TMEFF2: variants seen among roughly 807,000 people sequenced by gnomAD.
TMEFF2 encodes the protein tomoregulin-2.
A neutral mutation model predicts 53.8 loss-of-function variants in TMEFF2; 28 were observed. That is an observed-to-expected ratio of 0.52 (90% CI 0.39 to 0.71). The LOEUF (loss-of-function observed/expected upper bound fraction) is 0.71, where lower values mean the gene tolerates loss of function less well. Among genes scored for constraint, TMEFF2 ranks in the 30% least tolerant of loss-of-function variants. TMEFF2 has a pLI of 0.00. For synonymous variants in TMEFF2, 162 were observed against 166.3 expected (o/e 0.97, Z 0.20); for missense variants, 353 against 455.2 (o/e 0.78, Z 2.04).
In TMEFF2 at chr2:191,950,228, C is replaced by CTCTTG. The variant is rs1382529081; in HGVS notation, c.*78_*82dup. ...CAAATGCAAGGCAACATGTGTAGAT[C>CTCTTG]TCTTGTCTTATTCTTTTGTCTATAA... On this transcript the variant is annotated 3_prime_UTR_variant, in exon 10 of 10. Coordinates refer to ENST00000272771, the MANE Select transcript of TMEFF2 (RefSeq NM_016192.4). 6.3e-7 allele frequency: 1 copy of CTCTTG among 1,583,674 alleles called. No individual in the cohort carries two copies. The highest frequency in any genetic ancestry group is 8.6e-7 in the Non-Finnish European group (1 of 1,165,182).
At chr2:192,114,980 T>C (rs987385678) in intron 4 of TMEFF2, among the ~76,000 whole-genome samples, 1 of 151,916 alleles carries the variant, frequency 6.6e-6, no homozygotes, top group Non-Finnish European at 1.5e-5. Flanking sequence ...ATAATCTTTG[T>C]CAACTAAATA....
intron 3 of TMEFF2, 40 bp from the exon 4 acceptor site, chr2:192,179,734 C>A (rs371235701): frequency 9.9e-6 from 15 of 1,510,532 alleles, no homozygotes; most frequent in Non-Finnish European, 1.3e-5. Context: ...AAAACATATT[C>A]AAAAATATTT....
At position 192,165,204 on chromosome 2, in the gene TMEFF2, T is replaced by TA. The variant is rs34878272; in HGVS notation, c.439+14463dup. ...ATTTTCTGTTATAAATCCTTGACTT[T>TA]AAAAAATAACAGACTACACATAAAG... On this transcript the variant is annotated intron_variant, in intron 4 of 9. Coordinates refer to ENST00000272771, the MANE Select transcript of TMEFF2 (RefSeq NM_016192.4). 9.0e-3 allele frequency among the ~76,000 whole-genome samples: 1,363 copies of TA among 152,286 alleles called. 14 individuals are homozygous for TA. The highest frequency in any genetic ancestry group is 0.015 in the Non-Finnish European group (1,033 of 68,022).
intron 4 of TMEFF2, among the ~76,000 whole-genome samples, chr2:192,095,108 T>C (rs1295327259): frequency 1.3e-5 from 2 of 152,200 alleles, no homozygotes; most frequent in Non-Finnish European, 2.9e-5. Context: ...ATGACTAGTT[T>C]TTTTTGCCAT....
chr2:192,037,273 T>TAAAAGAAAG (rs568551324), intron 5 of TMEFF2, among the ~76,000 whole-genome samples: 182 of 94,744 alleles, frequency 1.9e-3, no homozygotes, highest in African/African-American at 3.0e-3. Flanking sequence ...CTAGCCAAAA[T>TAAAAGAAAG]AAAGAAAGAA....
At chr2:192,105,481 C>G (rs1176381058) in intron 4 of TMEFF2, among the ~76,000 whole-genome samples, 2 of 151,904 alleles carry the variant, frequency 1.3e-5, no homozygotes, top group Non-Finnish European at 1.5e-5. Flanking sequence ...TCCCTCACAA[C>G]CACCCTTCGA....
At chr2:192,135,122 T>C (rs983548335) in intron 4 of TMEFF2, among the ~76,000 whole-genome samples, 2 of 152,194 alleles carry the variant, frequency 1.3e-5, no homozygotes, top group African/African-American at 4.8e-5. Context: ...TTGTCATCCC[T>C]ACTATTTTCT....
intron 4 of TMEFF2, among the ~76,000 whole-genome samples, chr2:192,131,298 G>A (rs1396412576): frequency 0.015 from 924 of 60,912 alleles, no homozygotes; most frequent in Middle Eastern, 0.028. Context: ...TTCTGGGGAA[G>A]GGACAAGTAC....
intron 5 of TMEFF2, among the ~76,000 whole-genome samples, chr2:192,038,568 G>A (rs903518919): frequency 6.6e-6 from 1 of 151,292 alleles, no homozygotes; most frequent in Admixed American, 6.6e-5. Context: ...TTAGCTCACT[G>A]CAGCCTCTGC....
intron 7 of TMEFF2, among the ~76,000 whole-genome samples, chr2:191,975,236 G>A (rs1685684282): frequency 7.0e-6 from 1 of 142,136 alleles, no homozygotes; most frequent in Non-Finnish European, 1.5e-5. Flanking sequence ...GAAAAATGAA[G>A]GTCATCAGGT....
intron 7 of TMEFF2, among the ~76,000 whole-genome samples, chr2:191,990,416 A>AGTGTGTGTGTGTGTGTGT (rs55848067): frequency 0.16 from 22,833 of 147,132 alleles, 1,904 homozygotes; most frequent in Admixed American, 0.18. Flanking sequence ...TGCTCAGAAT[A>AGTGTGTGTGTGTGTGTGT]GTGTGTGTGT....
chr2:192,158,613 C>T (rs2106008583), intron 4 of TMEFF2, among the ~76,000 whole-genome samples: 1 of 152,186 alleles, frequency 6.6e-6, no homozygotes, highest in South Asian at 2.1e-4. Context: ...ATGTTTTTGT[C>T]TCCACTCTAG....
chr2:192,151,030 C>T (rs1035943428), intron 4 of TMEFF2, among the ~76,000 whole-genome samples: 2 of 151,704 alleles, frequency 1.3e-5, no homozygotes, highest in African/African-American at 4.8e-5. Flanking sequence ...ATCATGGGGG[C>T]ATTTTCCCCC....
chr2:192,182,283 G>A (rs553487487), intron 3 of TMEFF2, among the ~76,000 whole-genome samples: 42 of 151,974 alleles, frequency 2.8e-4, no homozygotes, highest in African/African-American at 7.7e-4. Context: ...ATCCCTTTTA[G>A]ATCAAAAGTC....
rs865970265 is a variant in TMEFF2, at chr2:191,950,055, T to C, written c.*256A>G. The C allele has an allele frequency of 4.2e-6, 5 of 1,192,170 alleles. No individual in the cohort carries two copies. Among genetic ancestry groups the C allele is most frequent in the Non-Finnish European group, 4.2e-6 (4 of 953,378 alleles). The allele number at this position is 1,192,170 out of a possible 1,614,324, so 73.8% of individuals were successfully genotyped here. A position where few individuals can be genotyped will look rare whatever the true frequency, so the allele number is the denominator to read the frequency against. On this transcript the variant is annotated 3_prime_UTR_variant, in exon 10 of 10. Transcript: ENST00000272771. ...CTGAGTATTTATTATATATAACAAATACATGGGAAAGAAAAAACTATATTG... is the reference window on the plus strand; with the variant it reads ...CTGAGTATTTATTATATATAACAAACACATGGGAAAGAAAAAACTATATTG...
chr2:192,082,905 A>C (rs1448311477), intron 4 of TMEFF2, among the ~76,000 whole-genome samples: 2 of 151,892 alleles, frequency 1.3e-5, no homozygotes, highest in Non-Finnish European at 2.9e-5. Context: ...TTACTTTATC[A>C]GTTAAGTTTC....
chr2:192,024,134 A>T (rs895387768), intron 5 of TMEFF2, among the ~76,000 whole-genome samples: 1 of 152,182 alleles, frequency 6.6e-6, no homozygotes, highest in Non-Finnish European at 1.5e-5. Context: ...TGTATTTCCC[A>T]TAGATGAGGG....
intron 4 of TMEFF2, among the ~76,000 whole-genome samples, chr2:192,159,429 C>T (rs1029389854): frequency 2.0e-5 from 3 of 152,136 alleles, no homozygotes; most frequent in African/African-American, 7.2e-5. Context: ...CAACATGACT[C>T]ATCTTTATGA....
At chr2:192,092,591 C>T (rs147087268) in intron 4 of TMEFF2, among the ~76,000 whole-genome samples, 2 of 152,134 alleles carry the variant, frequency 1.3e-5, no homozygotes, top group African/African-American at 4.8e-5. Context: ...CATCCTAATC[C>T]CCAGAATCTA....
Sources: gnomAD v4.1 joint callset for allele counts (sites outside exome capture counted in the v4.1 genomes callset) on GRCh38, gnomAD v4.1.1 for gene constraint, MANE v1.5 for transcripts, NCBI Gene and HGNC (gene_info 2026-07-23, HGNC 2026-07-21) for gene names.